ORC3: variants seen among roughly 807,000 people sequenced by gnomAD.
ORC3 encodes the protein homolog of latheo, Drosophila.
A neutral mutation model predicts 100.7 loss-of-function variants in ORC3; 78 were observed. The observed-to-expected ratio is 0.77, with a 90% CI of 0.65 to 0.94. The LOEUF (loss-of-function observed/expected upper bound fraction) is 0.94. Ranked by LOEUF, ORC3 falls within the 40% of genes least tolerant of loss-of-function variation. The probability of loss-of-function intolerance (pLI) is 0.00; values close to 1 mark genes in which losing one functional copy is unlikely to be tolerated. For missense variants in ORC3, 789 were observed against 823.9 expected, an observed-to-expected ratio of 0.96 and a Z score of 0.52; for synonymous variants, 295 against 289.3, an observed-to-expected ratio of 1.02 and a Z score of -0.20.
Position 87,618,207 on chromosome 6 carries a change from G to A in ORC3, c.987+1780G>A, listed in dbSNP as rs554400768. Among the ~76,000 whole-genome samples, 8 of 152,240 alleles carry A rather than the reference G, an allele frequency of 5.3e-5. No individual in the cohort carries two copies. In the East Asian group the frequency reaches 1.4e-3, roughly 26 times the overall value. ...AGGCAGATCATGATATCAGGAGTTCGAGGCCAGCCTGGCCAACATGGTGAA... is the reference window on the plus strand; with the variant it reads ...AGGCAGATCATGATATCAGGAGTTCAAGGCCAGCCTGGCCAACATGGTGAA... On this transcript the variant is annotated intron_variant, in intron 9 of 19. Transcript: ENST00000392844.
intron 1 of ORC3, among the ~76,000 whole-genome samples, chr6:87,594,101 T>A (rs1286699528): frequency 6.6e-6 from 1 of 152,194 alleles, no homozygotes; most frequent in East Asian, 1.9e-4. Context: ...AGATCAGGTG[T>A]CAAAGAGCAA....
At chr6:87,651,092 A>G (rs1222809842) in intron 13 of ORC3, 3 of 440,768 alleles carry the variant, frequency 6.8e-6, no homozygotes, top group African/African-American at 2.0e-5. Context: ...TCCAAGTGAC[A>G]CATTAAGAGT....
intron 8 of ORC3, among the ~76,000 whole-genome samples, chr6:87,613,287 A>G (rs1778913340): frequency 6.6e-6 from 1 of 152,178 alleles, no homozygotes; most frequent in Non-Finnish European, 1.5e-5. Context: ...TTATAAAACC[A>G]TCAGATCTCA....
chr6:87,666,288 A>C (rs959015344), intron 19 of ORC3, among the ~76,000 whole-genome samples: 2 of 147,154 alleles, frequency 1.4e-5, no homozygotes, highest in Middle Eastern at 3.7e-3. Flanking sequence ...CCTGCCACCA[A>C]GCCCAGCTAA....
chr6:87,597,134 G>C (rs1777508145), intron 2 of ORC3, among the ~76,000 whole-genome samples: 1 of 152,100 alleles, frequency 6.6e-6, no homozygotes. Flanking sequence ...TATATAATGA[G>C]ATAATCTTGG....
At chr6:87,592,886 G>A (rs1485507587) in intron 1 of ORC3, among the ~76,000 whole-genome samples, 1 of 152,122 alleles carries the variant, frequency 6.6e-6, no homozygotes, top group Non-Finnish European at 1.5e-5. Context: ...GAGATCAGGA[G>A]TGCGAGACCA....
chr6:87,616,938 C>T (rs1240816538), intron 9 of ORC3, among the ~76,000 whole-genome samples: 2 of 152,124 alleles, frequency 1.3e-5, no homozygotes, highest in African/African-American at 4.8e-5. Context: ...GCTGGGATTA[C>T]AGGTGCGTGC....
At chr6:87,672,322 G>A (rs1770851593), downstream of ORC3, among the ~76,000 whole-genome samples, 1 of 152,158 alleles carries the variant, frequency 6.6e-6, no homozygotes, top group Admixed American at 6.5e-5. Flanking sequence ...AGGATCAAAA[G>A]ATTTTTTAAT....
chr6:87,668,700 G>A (rs565435107), downstream of ORC3, among the ~76,000 whole-genome samples: 1 of 152,206 alleles, frequency 6.6e-6, no homozygotes, highest in South Asian at 2.1e-4. Context: ...AATGCTAGAT[G>A]AGCTGGGTAC....
chr6:87,618,175 C>T (rs1434342647), intron 9 of ORC3, among the ~76,000 whole-genome samples: 1 of 152,168 alleles, frequency 6.6e-6, no homozygotes, highest in Non-Finnish European at 1.5e-5. Flanking sequence ...CTTGGGGAGG[C>T]CGAGGCAGGC....
At chr6:87,600,147 G>T (rs944200087) in intron 2 of ORC3, among the ~76,000 whole-genome samples, 4 of 152,144 alleles carry the variant, frequency 2.6e-5, no homozygotes, top group Middle Eastern at 3.2e-3. Context: ...GATTAGGAGA[G>T]AAGTTCCTTA....
At chr6:87,617,088 C>T (rs1045477088) in intron 9 of ORC3, among the ~76,000 whole-genome samples, 24 of 152,202 alleles carry the variant, frequency 1.6e-4, no homozygotes, top group African/African-American at 5.8e-4. Flanking sequence ...TGAGCCACTA[C>T]GCCCAGCCCA....
intron 5 of ORC3, 98 bp downstream of exon 5, chr6:87,606,119 G>A: frequency 1.4e-6 from 1 of 725,972 alleles, no homozygotes; most frequent in Non-Finnish European, 2.4e-6. Flanking sequence ...TTTTTTTGGT[G>A]GAAAGAACAC....
chr6:87,672,166 A>G (rs2128298927), downstream of ORC3, among the ~76,000 whole-genome samples: 1 of 152,324 alleles, frequency 6.6e-6, no homozygotes. Flanking sequence ...TTTAAGTGGG[A>G]AAGTCAACTT....
Position 87,607,789 on chromosome 6 carries a change from G to A in ORC3, c.544G>A (p.Asp182Asn). 1.2e-6 allele frequency: 2 copies of A among 1,612,614 alleles called. No homozygotes were observed. Among genetic ancestry groups the A allele is most frequent in the African/African-American group, 1.3e-5 (1 of 74,982 alleles). The change falls in exon 6 of 20, where the codon GAT becomes AAT. Residue 182 changes from aspartate to asparagine, a missense_variant. By Grantham distance (23) the Asp-to-Asn change is conservative. Around this residue, in one of 3 missense-constraint regions of ORC3, gnomAD observed 399 missense variants for 382.0 expected, o/e 1.04. Coordinates refer to ENST00000392844, the MANE Select transcript of ORC3 (RefSeq NM_012381.4). ...CCAAAGAAAGACACATTATTCAATG[G>A]ATTCACTTTCCAGTTGGTATATGAC... Reference protein sequence around the residue: ...VTQRKTHYSMDSLSSWYMTVT... With the variant: ...VTQRKTHYSMNSLSSWYMTVT...
chr6:87,647,949 C>T (rs968187247), intron 13 of ORC3, among the ~76,000 whole-genome samples: 6 of 152,190 alleles, frequency 3.9e-5, no homozygotes, highest in African/African-American at 1.2e-4. Context: ...CCTGTAATCC[C>T]AGCACTTTGG....
intron 1 of ORC3, among the ~76,000 whole-genome samples, chr6:87,593,079 C>T (rs928367651): frequency 3.3e-5 from 5 of 151,852 alleles, no homozygotes; most frequent in African/African-American, 4.8e-5. Context: ...GACGACAGAG[C>T]GAGACTCTGT....
intron 14 of ORC3, among the ~76,000 whole-genome samples, chr6:87,654,792 CT>C (rs1438280349): frequency 6.6e-6 from 1 of 152,076 alleles, no homozygotes; most frequent in East Asian, 1.9e-4. Context: ...ATAATTTTTT[CT>C]TCTTTTTTTG....
chr6:87,665,665 A>C, intron 18 of ORC3, 89 bp from the exon 19 acceptor site: 1 of 716,020 alleles, frequency 1.4e-6, no homozygotes, highest in South Asian at 1.6e-5. Context: ...AATATGTGCC[A>C]GCTATCAACA....
Sources: allele counts gnomAD v4.1 joint callset (sites outside exome capture counted in the v4.1 genomes callset), GRCh38; gene constraint gnomAD v4.1.1; regional missense constraint gnomAD v4.1.1; transcripts MANE v1.5; gene names NCBI Gene and HGNC (gene_info 2026-07-23, HGNC 2026-07-21).